Variants in ADGRB3 observed in about 807,000 individuals in gnomAD.
The protein encoded by ADGRB3 is brain-specific angiogenesis inhibitor 3.
In ADGRB3, 37 loss-of-function variants were observed where a neutral mutation model predicts 193.4. The ratio of observed to expected loss-of-function variants is 0.19; its 90% CI spans 0.15 to 0.25. The LOEUF (loss-of-function observed/expected upper bound fraction) is 0.25, where lower values mean the gene tolerates loss of function less well. Among genes scored for constraint, ADGRB3 ranks in the 10% least tolerant of loss-of-function variants. The probability of loss-of-function intolerance (pLI) is 1.00; values close to 1 mark genes in which losing one functional copy is unlikely to be tolerated. For synonymous variants in ADGRB3, 690 were observed against 644.2 expected, an observed-to-expected ratio of 1.07 and a Z score of -1.08; for missense variants, 1,637 against 1,852.9, an observed-to-expected ratio of 0.88 and a Z score of 2.14.
At chr6:69,031,380 G>T (rs1770678715) in intron 13 of ADGRB3, among the ~76,000 whole-genome samples, 2 of 149,546 alleles carry the variant, frequency 1.3e-5, no homozygotes, top group African/African-American at 2.5e-5. Context: ...TGCAGAGCTT[G>T]CAGTGAGCCG....
At chr6:69,040,699 A>C (rs991232987) in intron 13 of ADGRB3, among the ~76,000 whole-genome samples, 20 of 145,498 alleles carry the variant, frequency 1.4e-4, no homozygotes, top group South Asian at 4.3e-4. Flanking sequence ...AAAAAAAAAA[A>C]AAAAAAAAAA....
chr6:68,892,886 A>C (rs1343513616), intron 3 of ADGRB3, among the ~76,000 whole-genome samples: 1 of 152,136 alleles, frequency 6.6e-6, no homozygotes, highest in Non-Finnish European at 1.5e-5. Flanking sequence ...ATGGGGAAGA[A>C]AGTTACATAA....
At chr6:68,877,508 G>T (rs937546112) in intron 3 of ADGRB3, among the ~76,000 whole-genome samples, 1 of 151,924 alleles carries the variant, frequency 6.6e-6, no homozygotes. Flanking sequence ...TCCATCATTT[G>T]CATGGCCATT....
chr6:69,278,733 A>G (rs1767355158), intron 20 of ADGRB3, among the ~76,000 whole-genome samples: 2 of 151,930 alleles, frequency 1.3e-5, no homozygotes, highest in South Asian at 2.1e-4. Flanking sequence ...TCCTGACTCT[A>G]TGCTTTTCTA....
At chr6:68,710,445 A>G (rs1765390995) in intron 3 of ADGRB3, among the ~76,000 whole-genome samples, 2 of 152,126 alleles carry the variant, frequency 1.3e-5, no homozygotes, top group African/African-American at 2.4e-5. Context: ...CTTAATGACA[A>G]ATGCCATCTG....
rs1166805877 is a variant in ADGRB3 at position 69,217,122 on chromosome 6, C to T, written c.2481-16168C>T. On this transcript the variant is annotated intron_variant, in intron 17 of 31. Transcript: ENST00000370598. ...AACTGAATGAATGTGAGAAAAGGGACCTTCAGTTTCTTTGAGTCCTGAGTG... is the reference window on the plus strand; with the variant it reads ...AACTGAATGAATGTGAGAAAAGGGATCTTCAGTTTCTTTGAGTCCTGAGTG... 3.3e-5 allele frequency among the ~76,000 whole-genome samples: 5 copies of T among 152,168 alleles called. No homozygotes were observed. The East Asian group carries it at 9.6e-4, about 29-fold the overall frequency.
intron 3 of ADGRB3, among the ~76,000 whole-genome samples, chr6:68,726,394 T>A (rs1765674720): frequency 6.6e-6 from 1 of 151,608 alleles, no homozygotes; most frequent in Admixed American, 6.6e-5. Context: ...GATCTCCTGA[T>A]TCCTGGTCTG....
intron 20 of ADGRB3, among the ~76,000 whole-genome samples, chr6:69,313,242 T>C (rs1271061375): frequency 6.6e-6 from 1 of 151,854 alleles, no homozygotes; most frequent in Non-Finnish European, 1.5e-5. Context: ...AATAGATCCA[T>C]AGTTGTTAGA....
At chr6:69,097,778 G>A (rs1308319729) in intron 17 of ADGRB3, among the ~76,000 whole-genome samples, 1 of 152,036 alleles carries the variant, frequency 6.6e-6, no homozygotes, top group Non-Finnish European at 1.5e-5. Context: ...CACTTTGGAA[G>A]TGATTCCTAA....
intron 10 of ADGRB3, among the ~76,000 whole-genome samples, chr6:68,990,440 C>A (rs1285346971): frequency 6.6e-6 from 1 of 152,086 alleles, no homozygotes; most frequent in Non-Finnish European, 1.5e-5. Context: ...CTAATCAGTG[C>A]CAATTGTTAG....
chr6:68,804,729 T>G (rs1767372292), intron 3 of ADGRB3, among the ~76,000 whole-genome samples: 1 of 152,154 alleles, frequency 6.6e-6, no homozygotes, highest in African/African-American at 2.4e-5. Flanking sequence ...GAGAAAAATG[T>G]AGACTTTTCT....
chr6:68,751,093 G>C (rs959389259), intron 3 of ADGRB3, among the ~76,000 whole-genome samples: 1 of 152,092 alleles, frequency 6.6e-6, no homozygotes, highest in Non-Finnish European at 1.5e-5. Flanking sequence ...CAGGTTACCT[G>C]GTATCTCTCT....
chr6:69,197,925 A>G (rs528292362), intron 17 of ADGRB3, among the ~76,000 whole-genome samples: 26 of 152,140 alleles, frequency 1.7e-4, no homozygotes, highest in African/African-American at 5.8e-4. Flanking sequence ...CTCTTACTTA[A>G]TTCAAGACTT....
chr6:69,104,689 C>T (rs931040098), intron 17 of ADGRB3, among the ~76,000 whole-genome samples: 20 of 152,074 alleles, frequency 1.3e-4, no homozygotes, highest in Non-Finnish European at 2.4e-4. Flanking sequence ...AAGAGTAACA[C>T]TGAAAACACA....
rs75248500 is a variant in ADGRB3, at chr6:69,000,258, C to T, written c.1929+6296C>T. Among the ~76,000 whole-genome samples the T allele has an allele frequency of 2.2e-4, 33 of 152,304 alleles. 1 individual carries two copies. The East Asian group carries it at 6.4e-3, about 29-fold the overall frequency. The stretch of plus-strand genomic sequence containing the variant: ...GTGATAGGTATAGTCTATAACATTA[C>T]AGCAGACACTGAATTAACAAATACT... On this transcript the variant is annotated intron_variant, in intron 11 of 31. Transcript: ENST00000370598.
intron 3 of ADGRB3, among the ~76,000 whole-genome samples, chr6:68,891,245 G>T (rs890659200): frequency 1.3e-5 from 2 of 152,058 alleles, no homozygotes; most frequent in African/African-American, 4.8e-5. Context: ...CTCTCACTAG[G>T]TCCCTCCCGC....
intron 3 of ADGRB3, among the ~76,000 whole-genome samples, chr6:68,648,522 C>T (rs1006202806): frequency 6.9e-5 from 10 of 144,250 alleles, no homozygotes; most frequent in South Asian, 2.2e-4. Flanking sequence ...GACATTGGAA[C>T]GCTGATGGAT....
At chr6:68,789,468 T>C (rs911375641) in intron 3 of ADGRB3, among the ~76,000 whole-genome samples, 5 of 152,356 alleles carry the variant, frequency 3.3e-5, no homozygotes, top group African/African-American at 1.2e-4. Context: ...TCTTTAAGAA[T>C]GTTGAATATT....
chr6:69,319,934 G>C (rs185094243), intron 20 of ADGRB3, among the ~76,000 whole-genome samples: 85 of 151,368 alleles, frequency 5.6e-4, no homozygotes, highest in Admixed American at 9.9e-4. Context: ...TTGATGTTTG[G>C]AATTAGTTTA....
Sources: gnomAD v4.1 joint callset for allele counts (sites outside exome capture counted in the v4.1 genomes callset) on GRCh38, gnomAD v4.1.1 for gene constraint, MANE v1.5 for transcripts, NCBI Gene and HGNC (gene_info 2026-07-23, HGNC 2026-07-21) for gene names.